Variants in FBRSL1 observed in about 807,000 individuals in gnomAD.
FBRSL1 encodes fibrosin like 1, also known as fibrosin-1-like protein.
In FBRSL1, 51 loss-of-function variants were observed where a neutral mutation model predicts 89.6. The ratio of observed to expected loss-of-function variants is 0.57; its 90% CI spans 0.45 to 0.72. The LOEUF is 0.72. FBRSL1 is among the 30% of genes least tolerant of loss of function. The pLI is 0.00. For synonymous variants in FBRSL1, 779 were observed against 681.1 expected (o/e 1.14, Z -2.24); for missense variants, 1,618 against 1,451.8 (o/e 1.11, Z -1.86).
intron 2 of FBRSL1, chr12:132,510,160 A>G: frequency 8.1e-7 from 1 of 1,230,212 alleles, no homozygotes; most frequent in Non-Finnish European, 1.0e-6. Flanking sequence ...CAGCCCTGCC[A>G]GCCCCTGCGG....
intron 14 of FBRSL1, among the ~76,000 whole-genome samples, chr12:132,576,566 G>A (rs1468204100): frequency 6.6e-6 from 1 of 152,216 alleles, no homozygotes; most frequent in Non-Finnish European, 1.5e-5. Context: ...CAGCTGCCAT[G>A]TGCCAAGTAC....
At chr12:132,512,351 C>T (rs926093026) in intron 2 of FBRSL1, among the ~76,000 whole-genome samples, 1 of 152,268 alleles carries the variant, frequency 6.6e-6, no homozygotes, top group African/African-American at 2.4e-5. Flanking sequence ...AGCCCAGCAT[C>T]CTCTGCACAG....
At chr12:132,509,823 C>T (rs997712845) in intron 2 of FBRSL1, 51 of 1,231,604 alleles carry the variant, frequency 4.1e-5, no homozygotes, top group Non-Finnish European at 5.0e-5. Flanking sequence ...CCAGTGCCAG[C>T]GGTACCAGCC....
intron 2 of FBRSL1, among the ~76,000 whole-genome samples, chr12:132,521,148 A>G (rs2035314616): frequency 6.6e-6 from 1 of 152,176 alleles, no homozygotes; most frequent in Non-Finnish European, 1.5e-5. Context: ...GAGTCCTGAA[A>G]GCTCCCCGAG....
At chr12:132,580,111 C>T (rs4883547) in intron 15 of FBRSL1, among the ~76,000 whole-genome samples, 2 of 151,944 alleles carry the variant, frequency 1.3e-5, no homozygotes, top group Admixed American at 6.6e-5. Flanking sequence ...TATTTTGAGA[C>T]GAAGTCTTGC....
At chr12:132,504,451 G>T (rs1018619462) in intron 1 of FBRSL1, among the ~76,000 whole-genome samples, 1 of 152,186 alleles carries the variant, frequency 6.6e-6, no homozygotes, top group South Asian at 2.1e-4. Flanking sequence ...TGGGAGAGGA[G>T]CAGGGAGGTC....
chr12:132,582,990 C>A lies in FBRSL1; in HGVS notation c.2221C>A (p.Arg741Ser). The A allele has an allele frequency of 6.9e-7, 1 of 1,446,874 alleles. No homozygotes were observed. The highest frequency in any genetic ancestry group is 9.0e-7 in the Non-Finnish European group (1 of 1,107,738). 89.6% of individuals were successfully genotyped at this position (1,446,874 alleles called of 1,614,324 possible). A position where few individuals can be genotyped will look rare whatever the true frequency, so the allele number is the denominator to read the frequency against. The change falls in exon 19 of 19, where the codon CGC (arginine) becomes AGC (serine). Residue 741 changes from arginine (R) to serine (S), a missense_variant. Physicochemically the swap from Arg to Ser is moderately radical, Grantham distance 110 (BLOSUM62 -1). Transcript: ENST00000680143. ...CCCCAGGGACCTCCTGGAGAAGACG[C>A]GCCTGCTGAGCCGGGCCTCGCCCGC... is the stretch of plus-strand genomic sequence containing the variant. ...EQERDLLEKT[R>S]LLSRASPATP...
intron 5 of FBRSL1, among the ~76,000 whole-genome samples, chr12:132,559,018 C>T (rs2038897546): frequency 6.6e-6 from 1 of 152,268 alleles, no homozygotes; most frequent in African/African-American, 2.4e-5. Flanking sequence ...TGGTTTTCCA[C>T]CTGAGTGGGC....
intron 5 of FBRSL1, among the ~76,000 whole-genome samples, chr12:132,560,558 G>A (rs916336928): frequency 2.6e-5 from 4 of 152,238 alleles, no homozygotes; most frequent in Admixed American, 2.6e-4. Flanking sequence ...CCGGCGCCGC[G>A]CTCACCTGCC....
At chr12:132,582,415 GTTCCCCCTCCCCCA>G (rs1345506496) in intron 18 of FBRSL1, 149 bp downstream of exon 18, 5 of 505,874 alleles carry the variant, frequency 9.9e-6, no homozygotes, top group Non-Finnish European at 1.7e-5. Flanking sequence ...CCCCTTCCCC[GTTCCCCCTCCCCCA>G]TTCCCTCTCA....
chr12:132,567,245 G>A (rs1025647414), intron 5 of FBRSL1, among the ~76,000 whole-genome samples: 1 of 152,202 alleles, frequency 6.6e-6, no homozygotes, highest in Non-Finnish European at 1.5e-5. Flanking sequence ...CCCCCTCTAG[G>A]AAGCCTGCTG....
chr12:132,582,674 C>T (rs1209653709), intron 18 of FBRSL1, among the ~76,000 whole-genome samples: 2 of 152,060 alleles, frequency 1.3e-5, no homozygotes, highest in African/African-American at 4.8e-5. Flanking sequence ...GGGAGGAGTT[C>T]GGGGGTGCGG....
intron 15 of FBRSL1, 25 bp downstream of exon 15, chr12:132,576,956 G>C (rs750719298): frequency 6.5e-7 from 1 of 1,540,890 alleles, no homozygotes; most frequent in Admixed American, 2.0e-5. Flanking sequence ...GGGCCAGGTG[G>C]GGGGCACAGA....
chr12:132,572,198 C>A, intron 9 of FBRSL1, 90 bp from the exon 10 acceptor site: 1 of 1,242,986 alleles, frequency 8.0e-7, no homozygotes, highest in Non-Finnish European at 1.1e-6. Flanking sequence ...GCCGTCCTGT[C>A]ACTGCCCAGC....
At chr12:132,550,315 C>A (rs1269933850) in intron 5 of FBRSL1, among the ~76,000 whole-genome samples, 1 of 152,114 alleles carries the variant, frequency 6.6e-6, no homozygotes, top group Non-Finnish European at 1.5e-5. Flanking sequence ...AGAGGCCTGG[C>A]GGGGCGGGGA....
At chr12:132,561,804 C>G (rs746155225) in intron 5 of FBRSL1, among the ~76,000 whole-genome samples, 1 of 152,180 alleles carries the variant, frequency 6.6e-6, no homozygotes, top group South Asian at 2.1e-4. Context: ...GGTGCAGGCC[C>G]AGGAGAGACC....
intron 4 of FBRSL1, 46 bp from the exon 5 acceptor site, chr12:132,547,957 C>G (rs1432588133): frequency 6.5e-7 from 1 of 1,548,612 alleles, no homozygotes; most frequent in Non-Finnish European, 8.7e-7. Context: ...GGGGGTGACA[C>G]TGGTTGGTGG....
intron 4 of FBRSL1, among the ~76,000 whole-genome samples, chr12:132,543,838 A>G (rs1284338420): frequency 6.6e-6 from 1 of 152,166 alleles, no homozygotes. Context: ...TCCGAGCCCC[A>G]CTGCGGCTCT....
chr12:132,515,730 CT>C (rs1248412768), intron 2 of FBRSL1, among the ~76,000 whole-genome samples: 4 of 151,698 alleles, frequency 2.6e-5, no homozygotes, highest in African/African-American at 9.7e-5. Flanking sequence ...TGAAACCCGT[CT>C]CTACTAAAAA....
Sources: gnomAD v4.1 joint callset for allele counts (sites outside exome capture counted in the v4.1 genomes callset) on GRCh38, gnomAD v4.1.1 for gene constraint, MANE v1.5 for transcripts, NCBI Gene and HGNC (gene_info 2026-07-23, HGNC 2026-07-21) for gene names.